The following ATF7 variants were observed in gnomAD, a reference collection of about 807,000 sequenced individuals.
The protein encoded by ATF7 is cyclic AMP-dependent transcription factor ATF-7.
A neutral mutation model predicts 50.4 loss-of-function variants in ATF7; 10 were observed. The ratio of observed to expected loss-of-function variants is 0.20; its 90% CI spans 0.12 to 0.34. The LOEUF is 0.34. Ranked by LOEUF, ATF7 falls within the 10% of genes least tolerant of loss-of-function variation. The pLI, the probability that ATF7 is intolerant of heterozygous loss-of-function variation, is 1.00. For synonymous variants in ATF7, 201 were observed against 226.4 expected, an observed-to-expected ratio of 0.89 and a Z score of 1.01; for missense variants, 465 against 613.9, an observed-to-expected ratio of 0.76 and a Z score of 2.56.
intron 1 of ATF7, among the ~76,000 whole-genome samples, chr12:53,621,352 G>A (rs922435669): frequency 6.6e-6 from 1 of 152,048 alleles, no homozygotes; most frequent in Non-Finnish European, 1.5e-5. Flanking sequence ...CAAAAACACA[G>A]GTATCATGTT....
intron 2 of ATF7, among the ~76,000 whole-genome samples, chr12:53,568,512 C>T (rs187493984): frequency 2.6e-5 from 4 of 152,260 alleles, no homozygotes; most frequent in East Asian, 1.9e-4. Context: ...CCCAGGGACT[C>T]GGAAACCACA....
intron 11 of ATF7, among the ~76,000 whole-genome samples, chr12:53,522,953 T>C (rs1247210516): frequency 1.3e-5 from 2 of 152,354 alleles, no homozygotes; most frequent in Non-Finnish European, 2.9e-5. Flanking sequence ...CTAATCTGAG[T>C]GCAGAGTGCA....
At chr12:53,520,458 G>A (rs1938051570) in intron 11 of ATF7, among the ~76,000 whole-genome samples, 1 of 152,104 alleles carries the variant, frequency 6.6e-6, no homozygotes, top group African/African-American at 2.4e-5. Flanking sequence ...CACGCCTGTG[G>A]TCCCAGTTAC....
chr12:53,582,306 C>CG (rs1488501261), intron 2 of ATF7, among the ~76,000 whole-genome samples: 1 of 146,844 alleles, frequency 6.8e-6, no homozygotes, highest in African/African-American at 2.5e-5. Context: ...TCCAGCCTGG[C>CG]GACATAGCAA....
intron 2 of ATF7, among the ~76,000 whole-genome samples, chr12:53,599,010 G>T (rs1321451496): frequency 6.6e-6 from 1 of 152,132 alleles, no homozygotes; most frequent in Non-Finnish European, 1.5e-5. Flanking sequence ...CTAATTCCAT[G>T]TAAAAATTTG....
At chr12:53,575,279 C>T (rs150843763) in intron 2 of ATF7, among the ~76,000 whole-genome samples, 4,228 of 152,052 alleles carry the variant, frequency 0.028, 79 homozygotes, top group Non-Finnish European at 0.042. Context: ...TGGTGGTGCA[C>T]GCCTGTAATC....
In ATF7 at chr12:53,537,469, T is replaced by G; in HGVS notation, c.348A>C (p.Ser116=). Residue 116 remains serine, a synonymous_variant, in exon 5 of 12, where the codon TCA becomes TCC. Transcript: ENST00000420353. ...TAGAGGCAGGGCTATCAGGTGGGGA[T>G]GAGTCTACCTCCACTGGCTCTTCTT... is the stretch of plus-strand genomic sequence containing the variant. The part of the protein sequence containing the change: ...IKEEEPVEVD[S]SPPDSPASSP... The G allele has an allele frequency of 6.2e-7, 1 of 1,613,814 alleles. No individual in the cohort carries two copies. Among genetic ancestry groups the G allele is most frequent in the Middle Eastern group, 1.7e-4 (1 of 5,944 alleles).
intron 1 of ATF7, among the ~76,000 whole-genome samples, chr12:53,601,572 C>T (rs1010308519): frequency 6.6e-6 from 1 of 152,140 alleles, no homozygotes; most frequent in Admixed American, 6.5e-5. Flanking sequence ...TGGGAAATGG[C>T]TTTCATTAAT....
At chr12:53,536,021 A>AG (rs1414866233) in intron 5 of ATF7, among the ~76,000 whole-genome samples, 1 of 151,932 alleles carries the variant, frequency 6.6e-6, no homozygotes, top group Admixed American at 6.6e-5. Context: ...TTCTCTCAAA[A>AG]GAAAAAAAAA....
rs1024438024 is a variant in ATF7, at chr12:53,512,234, G to A, written c.*4903C>T. The A allele has an allele frequency of 1.3e-5, 2 of 152,240 alleles. No individual in the cohort carries two copies. Among genetic ancestry groups the A allele is most frequent in the African/African-American group, 2.4e-5 (1 of 41,430 alleles). 9.4% of individuals were successfully genotyped at this position (152,240 alleles called of 1,614,324 possible). A position where few individuals can be genotyped will look rare whatever the true frequency, so the allele number is the denominator to read the frequency against. On this transcript the variant is annotated 3_prime_UTR_variant, in exon 12 of 12. Transcript: ENST00000420353. ...AGCCCCTGCCTCAGCCCAGTCCCAG[G>A]AGATTGTGAGAACCAGCTCACAGGG...
intron 3 of ATF7, among the ~76,000 whole-genome samples, chr12:53,550,115 G>C (rs887763822): frequency 1.3e-5 from 2 of 151,914 alleles, no homozygotes; most frequent in African/African-American, 2.4e-5. Flanking sequence ...TCGAGGCCAG[G>C]AGTTCAAGAC....
intron 2 of ATF7, among the ~76,000 whole-genome samples, chr12:53,579,579 G>A (rs1289258779): frequency 2.0e-5 from 3 of 151,592 alleles, no homozygotes; most frequent in Non-Finnish European, 4.4e-5. Context: ...AGCGTGGAGT[G>A]TGCGTAATTG....
intron 2 of ATF7, among the ~76,000 whole-genome samples, chr12:53,588,251 G>T (rs1040870333): frequency 6.6e-6 from 1 of 152,082 alleles, no homozygotes; most frequent in African/African-American, 2.4e-5. Context: ...AATTTCCATT[G>T]CATTAACACA....
In ATF7 at chr12:53,533,227, T is replaced by G; in HGVS notation, c.593A>C (p.His198Pro). The change falls in exon 7 of 12, where the codon CAT (histidine) becomes CCT (proline). Residue 198 changes from histidine (H) to proline (P), a missense_variant. Transcript: ENST00000420353. The part of the protein sequence containing the change: ...SPTGSLPLVM[H>P]LANGQTMPVL... ...AGGCATGGTCTGTCCATTAGCAAGA[T>G]GCATGACAAGAGGGAGGGAGCCAGT... 6.2e-7 allele frequency: 1 copy of G among 1,613,860 alleles called. No homozygotes were observed. The highest frequency in any genetic ancestry group is 8.5e-7 in the Non-Finnish European group (1 of 1,179,800).
intron 3 of ATF7, among the ~76,000 whole-genome samples, chr12:53,544,898 C>G (rs1016270011): frequency 2.6e-5 from 3 of 114,616 alleles, no homozygotes; most frequent in Non-Finnish European, 5.3e-5. Context: ...AAAGTTACCA[C>G]TACTTCTCAA....
chr12:53,607,637 C>T (rs1179041062), intron 1 of ATF7, among the ~76,000 whole-genome samples: 6 of 151,060 alleles, frequency 4.0e-5, no homozygotes, highest in East Asian at 1.9e-4. Context: ...GAGAAAATGC[C>T]GTATGTTAAA....
At chr12:53,581,541 C>G (rs544527529) in intron 2 of ATF7, among the ~76,000 whole-genome samples, 21 of 152,080 alleles carry the variant, frequency 1.4e-4, no homozygotes, top group African/African-American at 4.3e-4. Context: ...AGAAAGATAG[C>G]TGGAAAATAT....
intron 3 of ATF7, among the ~76,000 whole-genome samples, chr12:53,549,731 G>A (rs915025209): frequency 1.3e-5 from 2 of 151,984 alleles, no homozygotes; most frequent in African/African-American, 4.8e-5. Flanking sequence ...GACTACAGGC[G>A]CTCGCCACCA....
At chr12:53,615,381 C>T (rs1363443123) in intron 1 of ATF7, among the ~76,000 whole-genome samples, 1 of 151,104 alleles carries the variant, frequency 6.6e-6, no homozygotes. Context: ...GAGACTCTGT[C>T]TCAAAAAAAA....
Sources: allele counts gnomAD v4.1 joint callset (sites outside exome capture counted in the v4.1 genomes callset), GRCh38; gene constraint gnomAD v4.1.1; transcripts MANE v1.5; gene names NCBI Gene and HGNC (gene_info 2026-07-23, HGNC 2026-07-21).